The following PHACTR3 variants were observed in gnomAD, a reference collection of about 807,000 sequenced individuals.
PHACTR3 encodes the protein phosphatase and actin regulator 3, also known as protein phosphatase 1, regulatory subunit 123.
Under a neutral mutation model 66.8 loss-of-function variants are expected in PHACTR3, and 16 were observed. The observed-to-expected ratio is 0.24, with a 90% CI of 0.16 to 0.36. The LOEUF (loss-of-function observed/expected upper bound fraction) is 0.36, where lower values mean the gene tolerates loss of function less well. PHACTR3 is among the 10% of genes least tolerant of loss of function. The probability of loss-of-function intolerance (pLI) is 1.00; values close to 1 mark genes in which losing one functional copy is unlikely to be tolerated. For synonymous variants in PHACTR3, 323 were observed against 292.1 expected, an observed-to-expected ratio of 1.11 and a Z score of -1.08; for missense variants, 647 against 719.9, an observed-to-expected ratio of 0.90 and a Z score of 1.16.
intron 1 of PHACTR3, among the ~76,000 whole-genome samples, chr20:59,674,382 C>A (rs2036305788): frequency 7.0e-6 from 1 of 142,144 alleles, no homozygotes; most frequent in Non-Finnish European, 1.5e-5. Flanking sequence ...CTGTTCCTTC[C>A]CCTTCTCCTG....
At chr20:59,748,520 A>G (rs891493915) in intron 3 of PHACTR3, among the ~76,000 whole-genome samples, 1 of 152,196 alleles carries the variant, frequency 6.6e-6, no homozygotes, top group Non-Finnish European at 1.5e-5. Context: ...CAGAAAGGCC[A>G]GTTATTATCA....
Position 59,593,060 on chromosome 20 carries a change from T to C in PHACTR3, c.109+15443T>C, listed in dbSNP as rs529558066. ...TGTGGTAAGAGAATTTTTAGTTTTG[T>C]AAGAAACCACAAAGCTGTCTTCCAA... On this transcript the variant is annotated intron_variant, in intron 1 of 12. Transcript: ENST00000359926. 2.6e-5 allele frequency among the ~76,000 whole-genome samples: 4 copies of C among 152,340 alleles called. No homozygotes were observed. The East Asian group carries it at 7.7e-4, about 29-fold the overall frequency.
intron 1 of PHACTR3, among the ~76,000 whole-genome samples, chr20:59,685,520 A>ACAC (rs1427038793): frequency 1.3e-5 from 2 of 152,150 alleles, no homozygotes; most frequent in African/African-American, 2.4e-5. Flanking sequence ...AATGCTGAGA[A>ACAC]CACCACCCAG....
At chr20:59,588,072 C>G (rs547707949) in intron 1 of PHACTR3, among the ~76,000 whole-genome samples, 1 of 152,140 alleles carries the variant, frequency 6.6e-6, no homozygotes, top group South Asian at 2.1e-4. Context: ...CACCGGGGGT[C>G]GGGAGTCCTG....
chr20:59,612,014 C>A (rs1432259235), intron 1 of PHACTR3, among the ~76,000 whole-genome samples: 1 of 152,168 alleles, frequency 6.6e-6, no homozygotes, highest in Non-Finnish European at 1.5e-5. Flanking sequence ...TGTCGCATGG[C>A]CAAAGCGTGC....
At chr20:59,603,193 G>T (rs2033530672), upstream of PHACTR3, among the ~76,000 whole-genome samples, 1 of 152,008 alleles carries the variant, frequency 6.6e-6, no homozygotes, top group African/African-American at 2.4e-5. Flanking sequence ...TGATTATTTG[G>T]GCATCTTATT....
rs2042291065 is a variant in PHACTR3, at chr20:59,829,603, C to T, written c.1329-6902C>T. On this transcript the variant is annotated intron_variant, in intron 8 of 12. Coordinates refer to ENST00000371015, the MANE Select transcript of PHACTR3 (RefSeq NM_080672.5). The surrounding 1 kb of genome is among the most constrained non-coding windows in gnomAD (Gnocchi z 4.2). ...GTCGTGTGAATGGTGTGTGGAGACG[C>T]TGCCTCGCTGGGGAATCCCATCTCC... Among the ~76,000 whole-genome samples the T allele has an allele frequency of 6.6e-6, 1 of 152,100 alleles. No individual in the cohort carries two copies. The highest frequency in any genetic ancestry group is 2.1e-4 in the South Asian group (1 of 4,822).
chr20:59,745,809 C>T (rs1890495), intron 2 of PHACTR3, among the ~76,000 whole-genome samples: 114,067 of 152,136 alleles, frequency 0.75, 43,411 homozygotes, highest in East Asian at 0.88. Context: ...GTACCACCTT[C>T]ACAAGCTGCA....
At chr20:59,778,539 C>T (rs2040615002) in intron 7 of PHACTR3, among the ~76,000 whole-genome samples, 2 of 152,246 alleles carry the variant, frequency 1.3e-5, no homozygotes, top group African/African-American at 4.8e-5. Context: ...CTCACCCAAC[C>T]TTATTTCCCC....
At chr20:59,840,265 TC>T in intron 9 of PHACTR3, 103 bp from the exon 10 acceptor site, 1 of 1,481,132 alleles carries the variant, frequency 6.8e-7, no homozygotes, top group Non-Finnish European at 9.0e-7. Flanking sequence ...TAACTTCAGC[TC>T]CCAGAAATAT....
intron 8 of PHACTR3, among the ~76,000 whole-genome samples, chr20:59,831,014 C>T (rs1292260675): frequency 6.6e-6 from 1 of 152,128 alleles, no homozygotes; most frequent in Non-Finnish European, 1.5e-5. Flanking sequence ...CACCTCTAGG[C>T]CCCTTCCTCC....
intron 8 of PHACTR3, among the ~76,000 whole-genome samples, chr20:59,811,204 G>A (rs2041727377): frequency 1.3e-5 from 2 of 152,208 alleles, no homozygotes; most frequent in African/African-American, 4.8e-5. Flanking sequence ...CCCTGGGCCT[G>A]GGAGAAGCAT....
intron 1 of PHACTR3, among the ~76,000 whole-genome samples, chr20:59,680,321 A>C (rs1308460117): frequency 6.6e-6 from 1 of 152,058 alleles, no homozygotes. Context: ...GTTGAAGAGA[A>C]CTGTCTTAAC....
chr20:59,773,476 A>G, intron 6 of PHACTR3, 23 bp downstream of exon 6: 1 of 1,576,164 alleles, frequency 6.3e-7, no homozygotes, highest in Middle Eastern at 1.8e-4. Context: ...CCCATGAGGG[A>G]GACCTGTGCT....
At chr20:59,840,484 G>C in intron 10 of PHACTR3, 54 bp downstream of exon 10, 1 of 1,604,002 alleles carries the variant, frequency 6.2e-7, no homozygotes, top group Non-Finnish European at 8.5e-7. Flanking sequence ...GAGAACAGCT[G>C]CTTCGGTAGC....
chr20:59,584,739 C>T (rs143098854), intron 1 of PHACTR3, among the ~76,000 whole-genome samples: 92 of 152,264 alleles, frequency 6.0e-4, no homozygotes, highest in Admixed American at 4.6e-3. Context: ...CTCCTTCTGA[C>T]GGAAGGCTCC....
intron 1 of PHACTR3, among the ~76,000 whole-genome samples, chr20:59,584,452 G>T (rs560329293): frequency 8.5e-4 from 129 of 152,204 alleles, no homozygotes; most frequent in Non-Finnish European, 1.5e-3. Context: ...AGCCGTGCAG[G>T]AGTGTGTGTG....
chr20:59,584,140 GC>G (rs2032946347), intron 1 of PHACTR3, among the ~76,000 whole-genome samples: 1 of 152,018 alleles, frequency 6.6e-6, no homozygotes, highest in Non-Finnish European at 1.5e-5. Flanking sequence ...CTGACTCAGT[GC>G]CTCAGTGCCT....
intron 11 of PHACTR3, chr20:59,843,838 T>G (rs1021916007): frequency 6.6e-6 from 1 of 151,996 alleles, no homozygotes; most frequent in African/African-American, 2.4e-5. Context: ...GAGACTATAT[T>G]AAACTACAAA....
Sources: gnomAD v4.1 joint callset for allele counts (sites outside exome capture counted in the v4.1 genomes callset) on GRCh38, gnomAD v4.1.1 for gene constraint, Gnocchi (gnomAD v3.1) non-coding constraint, MANE v1.5 for transcripts, NCBI Gene and HGNC (gene_info 2026-07-23, HGNC 2026-07-21) for gene names.